Variants in RIN2 observed in about 807,000 individuals in gnomAD.
RIN2 encodes Ras and Rab interactor 2.
Under a neutral mutation model 78.0 loss-of-function variants are expected in RIN2, and 36 were observed. That is an observed-to-expected ratio of 0.46 (90% CI 0.35 to 0.61). The LOEUF (loss-of-function observed/expected upper bound fraction) is 0.61. Among genes scored for constraint, RIN2 ranks in the 20% least tolerant of loss-of-function variants. RIN2 has a pLI of 0.00. For missense variants in RIN2, 1,087 were observed against 1,159.7 expected, an observed-to-expected ratio of 0.94 and a Z score of 0.91; for synonymous variants, 466 against 466.8, an observed-to-expected ratio of 1.00 and a Z score of 0.02.
At chr20:19,919,375 C>G (rs563934467) in intron 3 of RIN2, among the ~76,000 whole-genome samples, 1 of 152,310 alleles carries the variant, frequency 6.6e-6, no homozygotes, top group African/African-American at 2.4e-5. Flanking sequence ...AGACATAAGT[C>G]AGCACATTTC....
At chr20:19,865,502 T>C (rs2037477088) in intron 2 of RIN2, among the ~76,000 whole-genome samples, 1 of 119,108 alleles carries the variant, frequency 8.4e-6, no homozygotes, top group Non-Finnish European at 1.7e-5. Flanking sequence ...TTTTTTTTTT[T>C]TGGCAACAGT....
intron 4 of RIN2, among the ~76,000 whole-genome samples, chr20:19,941,822 G>A (rs975788680): frequency 2.6e-5 from 4 of 152,046 alleles, no homozygotes; most frequent in African/African-American, 9.7e-5. Flanking sequence ...TCAAATTAAA[G>A]AAAATATTTA....
chr20:19,970,168 G>C lies in RIN2; in HGVS notation c.537-670G>C, dbSNP rs368794919. ...TCAAAGCCTGGTCCAGGGTCCAGCAGCATCAGCATCCTCTAAGAGCTTGGC... is the reference window on the plus strand; with the variant it reads ...TCAAAGCCTGGTCCAGGGTCCAGCACCATCAGCATCCTCTAAGAGCTTGGC... On this transcript the variant is annotated intron_variant, in intron 7 of 12. Transcript: ENST00000255006. Among the ~76,000 whole-genome samples, 6 of 152,348 alleles carry C rather than the reference G, an allele frequency of 3.9e-5. No homozygotes were observed. The South Asian group carries it at 1.2e-3, about 32-fold the overall frequency.
At chr20:19,835,409 T>C (rs1244342785) in intron 2 of RIN2, among the ~76,000 whole-genome samples, 1 of 152,216 alleles carries the variant, frequency 6.6e-6, no homozygotes, top group Non-Finnish European at 1.5e-5. Flanking sequence ...TTCATTAAAA[T>C]TTTTTGAGGG....
At chr20:19,764,932 T>TTG (rs1186669875) in intron 1 of RIN2, among the ~76,000 whole-genome samples, 3 of 132,814 alleles carry the variant, frequency 2.3e-5, no homozygotes, top group Non-Finnish European at 4.8e-5. Context: ...TTTTTTTTTT[T>TTG]TTTTTTTTTT....
intron 2 of RIN2, among the ~76,000 whole-genome samples, chr20:19,816,559 C>T (rs1183178356): frequency 6.6e-6 from 1 of 152,148 alleles, no homozygotes; most frequent in East Asian, 1.9e-4. Flanking sequence ...GAATTTTTGC[C>T]TTGCTAGGCC....
Position 19,996,726 on chromosome 20 carries a change from A to G in RIN2, c.2248A>G (p.Asn750Asp). The G allele has an allele frequency of 1.2e-6, 2 of 1,614,024 alleles. No homozygotes were observed. The highest frequency in any genetic ancestry group is 1.7e-6 in the Non-Finnish European group (2 of 1,179,902). ...ATATGGAGCACTTTCTCTGATAAAGAATTTCCAAGAAGAACAAGCAGCGCG... is the reference window on the plus strand; with the variant it reads ...ATATGGAGCACTTTCTCTGATAAAGGATTTCCAAGAAGAACAAGCAGCGCG... ...SAYGALSLIK[N>D]FQEEQAARLL... The change falls in exon 12 of 13, where the codon AAT becomes GAT. Residue 750 changes from asparagine to aspartate, a missense_variant. Physicochemically the swap from Asn to Asp is conservative, Grantham distance 23. Coordinates refer to ENST00000255006, the MANE Select transcript of RIN2 (RefSeq NM_018993.4).
chr20:19,779,418 G>T (rs1259640328), intron 1 of RIN2, among the ~76,000 whole-genome samples: 1 of 152,164 alleles, frequency 6.6e-6, no homozygotes, highest in African/African-American at 2.4e-5. Flanking sequence ...ATCCCAGAGA[G>T]ATCATCTCAA....
chr20:19,864,627 G>A (rs1279632880), intron 2 of RIN2, among the ~76,000 whole-genome samples: 1 of 152,174 alleles, frequency 6.6e-6, no homozygotes, highest in Non-Finnish European at 1.5e-5. Flanking sequence ...CATATAAGGA[G>A]CGTGGGGTTA....
chr20:19,812,722 G>A (rs6046338), intron 2 of RIN2, among the ~76,000 whole-genome samples: 45,757 of 152,042 alleles, frequency 0.3, 9,347 homozygotes, highest in African/African-American at 0.58. Flanking sequence ...CATAGCGTGG[G>A]CATCCTCACT....
At chr20:19,912,477 T>TTTC (rs1230263853) in intron 3 of RIN2, among the ~76,000 whole-genome samples, 53 of 136,372 alleles carry the variant, frequency 3.9e-4, no homozygotes, top group African/African-American at 1.5e-3. Context: ...TTCTTTTTCT[T>TTTC]TTTTTTTTTT....
chr20:19,824,000 A>T, intron 2 of RIN2: 1 of 1,081,506 alleles, frequency 9.2e-7, no homozygotes, highest in Non-Finnish European at 1.3e-6. Context: ...AGAAAGTTGC[A>T]CCTTGGCCTC....
At chr20:19,885,589 C>CCTGGAGG (rs991934159) in intron 2 of RIN2, among the ~76,000 whole-genome samples, 1 of 151,970 alleles carries the variant, frequency 6.6e-6, no homozygotes, top group African/African-American at 2.4e-5. Flanking sequence ...TCACTTGAAC[C>CCTGGAGG]CTGGAGGCGG....
At chr20:19,781,547 C>G (rs1292953347) in intron 1 of RIN2, among the ~76,000 whole-genome samples, 1 of 152,182 alleles carries the variant, frequency 6.6e-6, no homozygotes, top group Non-Finnish European at 1.5e-5. Flanking sequence ...CCTGCCTCAG[C>G]CTCTGAAATA....
At chr20:19,928,438 G>T (rs150369609) in intron 3 of RIN2, among the ~76,000 whole-genome samples, 9 of 152,182 alleles carry the variant, frequency 5.9e-5, no homozygotes, top group Admixed American at 5.9e-4. Context: ...AGGCCACACC[G>T]CCTCGAAATT....
chr20:19,810,228 G>A (rs950799695), intron 2 of RIN2, among the ~76,000 whole-genome samples: 8 of 144,016 alleles, frequency 5.6e-5, no homozygotes, highest in Non-Finnish European at 1.0e-4. Context: ...GCAAAACCCC[G>A]TCTCTATTAA....
At chr20:19,911,636 G>A (rs1393716702) in intron 3 of RIN2, among the ~76,000 whole-genome samples, 1 of 152,152 alleles carries the variant, frequency 6.6e-6, no homozygotes, top group Non-Finnish European at 1.5e-5. Context: ...CATTGCTCTG[G>A]TCATGTCCTT....
chr20:19,794,588 G>A lies in RIN2; in HGVS notation c.-162-5034G>A, dbSNP rs367671741. ...GTGATACTAGGTAATGATGAATAAC[G>A]TTCATATGAACCTTCTAGATGATGC... is the stretch of plus-strand genomic sequence containing the variant. On this transcript the variant is annotated intron_variant, in intron 1 of 12. Transcript: ENST00000255006. Among the ~76,000 whole-genome samples the A allele has an allele frequency of 4.9e-3, 715 of 147,264 alleles. 1 individual carries two copies. Among genetic ancestry groups the A allele is most frequent in the African/African-American group, 0.017 (672 of 40,284 alleles).
chr20:19,892,662 C>T (rs2038532816), intron 3 of RIN2, among the ~76,000 whole-genome samples: 1 of 152,242 alleles, frequency 6.6e-6, no homozygotes, highest in Non-Finnish European at 1.5e-5. Flanking sequence ...CAGGCGTGAG[C>T]CACCGCACCC....
Sources: allele counts gnomAD v4.1 joint callset (sites outside exome capture counted in the v4.1 genomes callset), GRCh38; gene constraint gnomAD v4.1.1; transcripts MANE v1.5; gene names NCBI Gene and HGNC (gene_info 2026-07-23, HGNC 2026-07-21).